Variants in PALLD observed in about 807,000 individuals in gnomAD.
The protein encoded by PALLD is palladin.
In PALLD, 61 loss-of-function variants were observed where a neutral mutation model predicts 123.5. The observed-to-expected ratio is 0.49, with a 90% CI of 0.40 to 0.61. The LOEUF is 0.61. Among genes scored for constraint, PALLD ranks in the 20% least tolerant of loss-of-function variants. The pLI is 0.00. For synonymous variants in PALLD, 465 were observed against 496.4 expected, an observed-to-expected ratio of 0.94 and a Z score of 0.84; for missense variants, 1,273 against 1,377.0, an observed-to-expected ratio of 0.92 and a Z score of 1.20.
intron 14 of PALLD, among the ~76,000 whole-genome samples, chr4:168,902,026 C>T (rs1462808807): frequency 1.3e-5 from 2 of 152,040 alleles, no homozygotes; most frequent in Non-Finnish European, 2.9e-5. Context: ...CTGAAAAATA[C>T]GAGTTTGAAA....
intron 2 of PALLD, among the ~76,000 whole-genome samples, chr4:168,630,268 T>C (rs1010943139): frequency 1.3e-5 from 2 of 152,184 alleles, no homozygotes; most frequent in East Asian, 1.9e-4. Flanking sequence ...TGTTATTCAA[T>C]GACCCTAATA....
intron 10 of PALLD, among the ~76,000 whole-genome samples, chr4:168,761,616 A>T (rs1202615236): frequency 8.0e-6 from 1 of 124,468 alleles, no homozygotes; most frequent in Non-Finnish European, 1.6e-5. Flanking sequence ...ACACACCACC[A>T]CGCCCAGCTA....
chr4:168,691,711 C>T (rs973297546), intron 8 of PALLD, among the ~76,000 whole-genome samples: 2 of 152,108 alleles, frequency 1.3e-5, no homozygotes, highest in African/African-American at 4.8e-5. Context: ...ATGAGAGCAG[C>T]TCAAAGAGGT....
At chr4:168,709,511 G>C (rs1311356885) in intron 9 of PALLD, among the ~76,000 whole-genome samples, 1 of 482 alleles carries the variant, frequency 2.1e-3, no homozygotes, top group Non-Finnish European at 6.8e-3. Context: ...CTCCATCAAG[G>C]AAGGAAGGAA....
At chr4:168,823,199 G>A (rs1742968469) in intron 10 of PALLD, among the ~76,000 whole-genome samples, 1 of 152,128 alleles carries the variant, frequency 6.6e-6, no homozygotes, top group Non-Finnish European at 1.5e-5. Flanking sequence ...GTTGCCCAAA[G>A]TGTCAGCCCT....
intron 2 of PALLD, among the ~76,000 whole-genome samples, chr4:168,552,352 A>C (rs953629130): frequency 2.0e-5 from 3 of 152,156 alleles, no homozygotes; most frequent in African/African-American, 7.2e-5. Context: ...AGGTATATTT[A>C]AATGTGGGGA....
At chr4:168,709,596 G>A (rs77754386) in intron 9 of PALLD, among the ~76,000 whole-genome samples, 1 of 2,930 alleles carries the variant, frequency 3.4e-4, no homozygotes, top group Non-Finnish European at 2.5e-3. Context: ...GGAAGGGAGG[G>A]AGGGAGGGAG....
chr4:168,703,671 AT>A (rs1416047173), intron 8 of PALLD, among the ~76,000 whole-genome samples: 1 of 136,926 alleles, frequency 7.3e-6, no homozygotes, highest in Non-Finnish European at 1.5e-5. Context: ...GATGATGAGC[AT>A]TTTTTCATGT....
chr4:168,746,165 A>T (rs1730264066), intron 10 of PALLD, among the ~76,000 whole-genome samples: 1 of 151,714 alleles, frequency 6.6e-6, no homozygotes, highest in Non-Finnish European at 1.5e-5. Context: ...TCCCTCCCCC[A>T]CTTAAACATA....
At chr4:168,759,673 G>C (rs958503196) in intron 10 of PALLD, among the ~76,000 whole-genome samples, 1 of 133,672 alleles carries the variant, frequency 7.5e-6, no homozygotes, top group Non-Finnish European at 1.6e-5. Context: ...ACCTAAACAT[G>C]GTTCATTAGG....
intron 2 of PALLD, among the ~76,000 whole-genome samples, chr4:168,666,607 G>A (rs1172990874): frequency 6.6e-6 from 1 of 152,082 alleles, no homozygotes; most frequent in Admixed American, 6.6e-5. Flanking sequence ...GCAAATATTC[G>A]ACAGAAACAG....
chr4:168,579,228 T>C (rs1309703660), intron 2 of PALLD, among the ~76,000 whole-genome samples: 1 of 152,174 alleles, frequency 6.6e-6, no homozygotes, highest in African/African-American at 2.4e-5. Context: ...TGAAAGTTGG[T>C]TAATCTCCCT....
chr4:168,499,356 G>A lies in PALLD; in HGVS notation c.-83+2162G>A, dbSNP rs543298257. ...GGGGAAGGGAGGCAGAAGGGAGGGA[G>A]GGGGGAGGGAGGAAGGGAGGGACTT... On this transcript the variant is annotated intron_variant, in intron 1 of 21. Transcript: ENST00000505667. Among the ~76,000 whole-genome samples, 126 of 101,396 alleles carry A rather than the reference G, an allele frequency of 1.2e-3. 2 individuals are homozygous for A. The Middle Eastern group carries it at 0.014, about 11-fold the overall frequency. The allele number at this position is 101,396 out of a possible 152,430, so 66.5% of individuals were successfully genotyped here.
chr4:168,847,109 C>T (rs1746974817), intron 10 of PALLD, among the ~76,000 whole-genome samples: 1 of 152,174 alleles, frequency 6.6e-6, no homozygotes. Flanking sequence ...ATTCTTTCCT[C>T]TGTTTTCAGA....
intron 11 of PALLD, among the ~76,000 whole-genome samples, chr4:168,892,131 A>G (rs1754241036): frequency 1.3e-5 from 2 of 152,148 alleles, no homozygotes; most frequent in Non-Finnish European, 2.9e-5. Flanking sequence ...TCTTTTGTTG[A>G]TGCTATCCTT....
chr4:168,783,065 T>C (rs1736171054), intron 10 of PALLD, among the ~76,000 whole-genome samples: 1 of 150,776 alleles, frequency 6.6e-6, no homozygotes, highest in African/African-American at 2.4e-5. Context: ...TGTGTGTGTG[T>C]GTGTGTGTGT....
At chr4:168,568,971 G>A (rs1768691586) in intron 2 of PALLD, among the ~76,000 whole-genome samples, 1 of 151,870 alleles carries the variant, frequency 6.6e-6, no homozygotes, top group Admixed American at 6.6e-5. Flanking sequence ...CCTTCCTGAA[G>A]AAGGAAAGAC....
At chr4:168,509,021 ACACCCAGTACCATTG>A (rs1362148519) in intron 1 of PALLD, among the ~76,000 whole-genome samples, 1 of 152,190 alleles carries the variant, frequency 6.6e-6, no homozygotes, top group East Asian at 1.9e-4. Context: ...CTTGCAATAG[ACACCCAGTACCATTG>A]CTGGATTGGC....
intron 10 of PALLD, among the ~76,000 whole-genome samples, chr4:168,880,683 C>T (rs892874300): frequency 3.3e-5 from 5 of 152,224 alleles, no homozygotes; most frequent in Non-Finnish European, 7.3e-5. Context: ...ATGACTTTGG[C>T]ATCCTGGAAC....
Sources: allele counts gnomAD v4.1 joint callset (sites outside exome capture counted in the v4.1 genomes callset), GRCh38; gene constraint gnomAD v4.1.1; transcripts MANE v1.5; gene names NCBI Gene and HGNC (gene_info 2026-07-23, HGNC 2026-07-21).